PDE9A: variants seen among roughly 807,000 people sequenced by gnomAD.
PDE9A encodes the protein high affinity cGMP-specific 3',5'-cyclic phosphodiesterase 9A.
Under a neutral mutation model 87.4 loss-of-function variants are expected in PDE9A, and 60 were observed. The observed-to-expected ratio is 0.69, with a 90% CI of 0.56 to 0.85. The LOEUF is 0.85. PDE9A is among the 40% of genes least tolerant of loss of function. PDE9A has a pLI of 0.00. For synonymous variants in PDE9A, 272 were observed against 279.4 expected, an observed-to-expected ratio of 0.97 and a Z score of 0.27; for missense variants, 665 against 779.0, an observed-to-expected ratio of 0.85 and a Z score of 1.74.
At chr21:42,768,381 G>A in intron 16 of PDE9A, 89 bp downstream of exon 16, 1 of 1,043,692 alleles carries the variant, frequency 9.6e-7, no homozygotes, top group Non-Finnish European at 1.5e-6. Flanking sequence ...CGCCTGGGTG[G>A]TCCCGCATAT....
chr21:42,733,594 G>C (rs949257814), intron 7 of PDE9A, 168 bp downstream of exon 7: 75 of 599,200 alleles, frequency 1.3e-4, no homozygotes, highest in Admixed American at 2.4e-4. Flanking sequence ...CTAGCACAGT[G>C]ACTAACTAAG....
intron 1 of PDE9A, among the ~76,000 whole-genome samples, chr21:42,677,698 A>G (rs1340841502): frequency 6.6e-6 from 1 of 151,764 alleles, no homozygotes; most frequent in Non-Finnish European, 1.5e-5. Context: ...GCTGGAATGC[A>G]GTGGCACAAT....
At position 42,747,722 on chromosome 21, in the gene PDE9A, A is replaced by G. The variant is rs147398145; in HGVS notation, c.654-3394A>G. ...GGCCACGGCCACTCTGGCCCCCAGC[A>G]CTGTGCCAGGCAGAGAGCAGAGCAT... is the stretch of plus-strand genomic sequence containing the variant. On this transcript the variant is annotated intron_variant, in intron 8 of 19. Transcript: ENST00000291539. Among the ~76,000 whole-genome samples the G allele has an allele frequency of 3.5e-3, 539 of 152,068 alleles. 4 individuals carry two copies. Among genetic ancestry groups the G allele is most frequent in the Middle Eastern group, 0.034 (10 of 294 alleles).
At chr21:42,662,811 ACACG>A (rs2057648313) in intron 1 of PDE9A, among the ~76,000 whole-genome samples, 1 of 138,500 alleles carries the variant, frequency 7.2e-6, no homozygotes, top group East Asian at 2.2e-4. Context: ...CACACCACAC[ACACG>A]CACACACACG....
chr21:42,705,467 C>T lies in PDE9A; in HGVS notation c.262+6456C>T, dbSNP rs1206804066. Among the ~76,000 whole-genome samples, 3 of 152,022 alleles carry T rather than the reference C, an allele frequency of 2.0e-5. No individual in the cohort carries two copies. Among genetic ancestry groups the T allele is most frequent in the Admixed American group, 2.0e-4 (3 of 15,270 alleles). ...CTGCCAGGAGCTGGCAGGGGAGATG[C>T]CTGTGATGAGGATTGGGTGCTGTGA... On this transcript the variant is annotated intron_variant, in intron 4 of 19. Coordinates refer to ENST00000291539, the MANE Select transcript of PDE9A (RefSeq NM_002606.3). This position sits in a 1 kb window ranked among gnomAD's most constrained non-coding sequence, Gnocchi z 4.3.
At chr21:42,724,288 C>T (rs942008462) in intron 4 of PDE9A, among the ~76,000 whole-genome samples, 1 of 152,220 alleles carries the variant, frequency 6.6e-6, no homozygotes, top group Admixed American at 6.5e-5. Flanking sequence ...GATGCGGAAA[C>T]ACTAATAATG....
At chr21:42,698,507 G>GT (rs1361723611) in intron 3 of PDE9A, among the ~76,000 whole-genome samples, 21 of 152,220 alleles carry the variant, frequency 1.4e-4, no homozygotes, top group African/African-American at 4.8e-4. Context: ...GGGGGGAGGG[G>GT]GGTTGACATC....
intron 4 of PDE9A, among the ~76,000 whole-genome samples, chr21:42,718,305 A>G (rs2050151299): frequency 6.6e-6 from 1 of 151,646 alleles, no homozygotes; most frequent in South Asian, 2.1e-4. Flanking sequence ...ATCCTTCTTC[A>G]TGTTCATTGA....
In PDE9A at chr21:42,705,518, G is replaced by GCCTC. The variant is rs1402042513; in HGVS notation, c.262+6512_262+6515dup. Among the ~76,000 whole-genome samples, 1 of 152,134 alleles carries GCCTC rather than the reference G, an allele frequency of 6.6e-6. No individual in the cohort carries two copies. Among genetic ancestry groups the GCCTC allele is most frequent in the African/African-American group, 2.4e-5 (1 of 41,416 alleles). On this transcript the variant is annotated intron_variant, in intron 4 of 19. Transcript: ENST00000291539. This position sits in a 1 kb window ranked among gnomAD's most constrained non-coding sequence, Gnocchi z 4.3. ...TCACAGCACGCGGGAAAAGGACAGGGCCTCCCTCAGCGTGGCAGATCGCGT... is the reference window on the plus strand; with the variant it reads ...TCACAGCACGCGGGAAAAGGACAGGGCCTCCCTCCCTCAGCGTGGCAGATCGCGT...
At chr21:42,715,396 G>A (rs1185732243) in intron 4 of PDE9A, among the ~76,000 whole-genome samples, 3 of 152,080 alleles carry the variant, frequency 2.0e-5, no homozygotes, top group Non-Finnish European at 2.9e-5. Context: ...AGAGGCCAAG[G>A]CAGGCAGATC....
chr21:42,718,857 A>G (rs544949139), intron 4 of PDE9A, among the ~76,000 whole-genome samples: 5 of 151,884 alleles, frequency 3.3e-5, no homozygotes, highest in Admixed American at 3.3e-4. Context: ...AAGATTATGA[A>G]TAACACCTAG....
chr21:42,733,350 T>C lies in PDE9A; in HGVS notation c.498-6T>C. ...ATTTACTCTCTCTTTTCTTTTTCAT[T>C]CCTAGAGCATTCAAAATCAATGAAC... On this transcript the variant is annotated splice_polypyrimidine_tract_variant and splice_region_variant and intron_variant, in intron 6 of 19. Coordinates refer to ENST00000291539, the MANE Select transcript of PDE9A (RefSeq NM_002606.3). 6.4e-7 allele frequency: 1 copy of C among 1,557,226 alleles called. No individual in the cohort carries two copies. Among genetic ancestry groups the C allele is most frequent in the Non-Finnish European group, 8.9e-7 (1 of 1,128,254 alleles).
chr21:42,726,487 A>T lies in PDE9A; in HGVS notation c.263-5283A>T, dbSNP rs556670347. Among the ~76,000 whole-genome samples, 3 of 150,014 alleles carry T rather than the reference A, an allele frequency of 2.0e-5. No homozygotes were observed. In the East Asian group the frequency reaches 5.8e-4, roughly 29 times the overall value. ...TTGCATTGATTTTTATATAAACTGA[A>T]TTCTAGGTCAAGGCTCTTTTTCTTG... On this transcript the variant is annotated intron_variant, in intron 4 of 19. Transcript: ENST00000291539.
chr21:42,653,984 C>T (rs1274866791), intron 1 of PDE9A, 101 bp downstream of exon 1: 10 of 463,998 alleles, frequency 2.2e-5, no homozygotes, highest in Non-Finnish European at 3.3e-5. Context: ...CCGGTCCAGG[C>T]TGCGGCCTCC....
Position 42,687,899 on chromosome 21 carries a change from C to A in PDE9A, c.141-18C>A. 1 of 1,611,076 alleles carries A rather than the reference C, an allele frequency of 6.2e-7. No individual in the cohort carries two copies. ...AGCACACTATGGGCGAAAACACGGGCTTGGGTGTGTTTTCCAGGAACACGA... is the reference window on the plus strand; with the variant it reads ...AGCACACTATGGGCGAAAACACGGGATTGGGTGTGTTTTCCAGGAACACGA... On this transcript the variant is annotated intron_variant, in intron 2 of 19. Transcript: ENST00000291539.
chr21:42,770,777 G>A lies in PDE9A; in HGVS notation c.1665G>A (p.Arg555=). 6.2e-7 allele frequency: 1 copy of A among 1,613,894 alleles called. No homozygotes were observed. The highest frequency in any genetic ancestry group is 1.1e-5 in the South Asian group (1 of 91,072). ...ESRDRYEELK[R]IDDAMKELQK... Reference sequence around the variant, plus strand: ...GAGATCGCTACGAGGAGCTGAAGCGGATAGATGACGCCATGAAAGAGGTAA... The same window carrying A: ...GAGATCGCTACGAGGAGCTGAAGCGAATAGATGACGCCATGAAAGAGGTAA... The change falls in exon 18 of 20, where the codon CGG becomes CGA. Residue 555 remains arginine, a synonymous_variant. Coordinates refer to ENST00000291539, the MANE Select transcript of PDE9A (RefSeq NM_002606.3).
intron 10 of PDE9A, chr21:42,758,688 C>T (rs376585371): frequency 3.2e-5 from 11 of 339,440 alleles, no homozygotes; most frequent in Non-Finnish European, 5.5e-5. Flanking sequence ...CTCTCTCACC[C>T]GGTCGCTGTC....
At chr21:42,687,638 AT>A (rs1320024658) in intron 2 of PDE9A, among the ~76,000 whole-genome samples, 10 of 152,226 alleles carry the variant, frequency 6.6e-5, no homozygotes, top group Non-Finnish European at 2.9e-5. Flanking sequence ...TTTAAAAAAA[AT>A]CTCCCAACTC....
chr21:42,721,157 A>G (rs958217974), intron 4 of PDE9A, among the ~76,000 whole-genome samples: 2 of 152,158 alleles, frequency 1.3e-5, no homozygotes, highest in African/African-American at 4.8e-5. Flanking sequence ...TGCCAGCTTC[A>G]CAGGCATTTT....
Sources: allele counts gnomAD v4.1 joint callset (sites outside exome capture counted in the v4.1 genomes callset), GRCh38; gene constraint gnomAD v4.1.1; non-coding constraint Gnocchi (gnomAD v3.1); transcripts MANE v1.5; gene names NCBI Gene and HGNC (gene_info 2026-07-23, HGNC 2026-07-21).